GPATCH2: variants seen among roughly 807,000 people sequenced by gnomAD.
GPATCH2 encodes the protein G patch domain-containing protein 2.
Under a neutral mutation model 58.0 loss-of-function variants are expected in GPATCH2, and 51 were observed. That is an observed-to-expected ratio of 0.88 (90% CI 0.70 to 1.11). The LOEUF is 1.11. Among genes scored for constraint, GPATCH2 ranks in the 50% most tolerant of loss-of-function variants. GPATCH2 has a pLI of 0.00. For missense variants in GPATCH2, 625 were observed against 652.2 expected (o/e 0.96, Z 0.45); for synonymous variants, 222 against 218.5 (o/e 1.02, Z -0.14).
At chr1:217,518,938 C>T (rs1028554554) in intron 5 of GPATCH2, among the ~76,000 whole-genome samples, 2 of 152,206 alleles carry the variant, frequency 1.3e-5, no homozygotes, top group Non-Finnish European at 2.9e-5. Flanking sequence ...TCCAGGCTGT[C>T]GGGAGGCACT....
At chr1:217,441,429 C>A (rs1271105396) in intron 9 of GPATCH2, among the ~76,000 whole-genome samples, 1 of 152,110 alleles carries the variant, frequency 6.6e-6, no homozygotes, top group Non-Finnish European at 1.5e-5. Context: ...CCATTCAGGA[C>A]AAAGGCATGG....
In GPATCH2 at chr1:217,591,205, T is replaced by A. The variant is rs142507157; in HGVS notation, c.1098+19116A>T. Among the ~76,000 whole-genome samples, 118 of 152,134 alleles carry A rather than the reference T, an allele frequency of 7.8e-4. 2 individuals are homozygous for A. In the East Asian group the frequency reaches 0.019, roughly 24 times the overall value. On this transcript the variant is annotated intron_variant, in intron 5 of 9. Coordinates refer to ENST00000366935, the MANE Select transcript of GPATCH2 (RefSeq NM_018040.5). ...GAGACTGAAATGGAACATATATATA[T>A]GATGAACATATACATATGCATATAT...
At chr1:217,463,423 T>C (rs1457673783) in intron 8 of GPATCH2, among the ~76,000 whole-genome samples, 1 of 151,940 alleles carries the variant, frequency 6.6e-6, no homozygotes, top group African/African-American at 2.4e-5. Context: ...TAATTGGATA[T>C]GAGGCTGAAA....
In GPATCH2 at chr1:217,520,471, T is replaced by A. The variant is rs1663395348; in HGVS notation, c.1099-5582A>T. Among the ~76,000 whole-genome samples the A allele has an allele frequency of 2.0e-5, 3 of 152,218 alleles. No homozygotes were observed. In the South Asian group the frequency reaches 6.2e-4, roughly 32 times the overall value. ...CCTATCATTCATATCTTTAAAAATG[T>A]CAATATTGACAAACAATCTTGCTCT... On this transcript the variant is annotated intron_variant, in intron 5 of 9. Coordinates refer to ENST00000366935, the MANE Select transcript of GPATCH2 (RefSeq NM_018040.5).
chr1:217,432,800 A>C (rs1450843842), intron 9 of GPATCH2, among the ~76,000 whole-genome samples: 1 of 152,124 alleles, frequency 6.6e-6, no homozygotes, highest in East Asian at 1.9e-4. Context: ...TCTTAGTGAG[A>C]ACATATTCGG....
chr1:217,521,727 T>A (rs1294045930), intron 5 of GPATCH2, among the ~76,000 whole-genome samples: 3 of 152,198 alleles, frequency 2.0e-5, no homozygotes, highest in African/African-American at 7.2e-5. Flanking sequence ...ACTTAGGCTA[T>A]CTTTCCTTTG....
intron 5 of GPATCH2, among the ~76,000 whole-genome samples, chr1:217,567,333 A>AC (rs1666300380): frequency 1.3e-5 from 2 of 152,224 alleles, no homozygotes; most frequent in African/African-American, 4.8e-5. Flanking sequence ...GGCATGAGCC[A>AC]CCGCACCCAG....
At chr1:217,534,261 A>T (rs1281060671) in intron 5 of GPATCH2, among the ~76,000 whole-genome samples, 2 of 152,198 alleles carry the variant, frequency 1.3e-5, no homozygotes, top group African/African-American at 2.4e-5. Flanking sequence ...TACAGTTCTT[A>T]TAATTAATTG....
intron 8 of GPATCH2, among the ~76,000 whole-genome samples, chr1:217,476,746 G>A (rs775150299): frequency 1.1e-4 from 16 of 152,082 alleles, no homozygotes; most frequent in Non-Finnish European, 2.1e-4. Flanking sequence ...TGCAAACCTC[G>A]CAACCATAAG....
At chr1:217,432,822 C>G (rs966377709) in intron 9 of GPATCH2, among the ~76,000 whole-genome samples, 2 of 152,184 alleles carry the variant, frequency 1.3e-5, no homozygotes, top group East Asian at 3.9e-4. Flanking sequence ...CCAGTCCAAT[C>G]TCTTACACCA....
chr1:217,539,651 A>T (rs1294404455), intron 5 of GPATCH2, among the ~76,000 whole-genome samples: 1 of 152,228 alleles, frequency 6.6e-6, no homozygotes, highest in Non-Finnish European at 1.5e-5. Context: ...CATTGTAATC[A>T]GTTCTTTTGA....
At chr1:217,496,734 T>C (rs1441584347) in intron 7 of GPATCH2, among the ~76,000 whole-genome samples, 2 of 152,174 alleles carry the variant, frequency 1.3e-5, no homozygotes, top group African/African-American at 2.4e-5. Context: ...GATCAGTTGA[T>C]GAAGATGAGA....
At chr1:217,559,873 G>GGAGA (rs59474147) in intron 5 of GPATCH2, among the ~76,000 whole-genome samples, 111 of 143,130 alleles carry the variant, frequency 7.8e-4, no homozygotes, top group East Asian at 5.8e-3. Context: ...AAATCCAGAG[G>GGAGA]GAGAGAGAGA....
chr1:217,498,097 G>T (rs1363200116), intron 7 of GPATCH2: 1 of 576,352 alleles, frequency 1.7e-6, no homozygotes, highest in East Asian at 2.9e-5. Flanking sequence ...TCCTACAAAT[G>T]AGTGAGTTTC....
chr1:217,454,584 G>A (rs1418144251), intron 8 of GPATCH2, among the ~76,000 whole-genome samples: 3 of 58,754 alleles, frequency 5.1e-5, no homozygotes, highest in Non-Finnish European at 9.5e-5. Flanking sequence ...GCGAGACTCT[G>A]TCTCAAAAAA....
chr1:217,505,911 C>G (rs1180156098), intron 6 of GPATCH2, among the ~76,000 whole-genome samples: 1 of 152,128 alleles, frequency 6.6e-6, no homozygotes, highest in Non-Finnish European at 1.5e-5. Context: ...CAACTTCCAC[C>G]TCCTGGGTTC....
At chr1:217,443,339 T>C (rs1659235407) in intron 9 of GPATCH2, among the ~76,000 whole-genome samples, 1 of 152,212 alleles carries the variant, frequency 6.6e-6, no homozygotes, top group Non-Finnish European at 1.5e-5. Context: ...TATTTTGTCT[T>C]AGCACTTTGG....
chr1:217,547,235 C>G (rs1213523939), intron 5 of GPATCH2, among the ~76,000 whole-genome samples: 1 of 151,920 alleles, frequency 6.6e-6, no homozygotes, highest in Non-Finnish European at 1.5e-5. Context: ...TGGTGGTGGG[C>G]ACCTGTAATC....
chr1:217,518,169 T>TA (rs1663266997), intron 5 of GPATCH2, among the ~76,000 whole-genome samples: 1 of 152,182 alleles, frequency 6.6e-6, no homozygotes, highest in African/African-American at 2.4e-5. Flanking sequence ...GCTTTCTAGA[T>TA]AACATAACTT....
Sources: allele counts gnomAD v4.1 joint callset (sites outside exome capture counted in the v4.1 genomes callset), GRCh38; gene constraint gnomAD v4.1.1; transcripts MANE v1.5; gene names NCBI Gene and HGNC (gene_info 2026-07-23, HGNC 2026-07-21).